DIDO1: variants seen among roughly 807,000 people sequenced by gnomAD.
DIDO1 encodes the protein death inducer-obliterator 1, also known as death-inducer obliterator 1.
A neutral mutation model predicts 99.4 loss-of-function variants in DIDO1; 16 were observed. The ratio of observed to expected loss-of-function variants is 0.16; its 90% CI spans 0.11 to 0.24. The LOEUF is 0.24. Among genes scored for constraint, DIDO1 ranks in the 10% least tolerant of loss-of-function variants. The probability of loss-of-function intolerance (pLI) is 1.00; values close to 1 mark genes in which losing one functional copy is unlikely to be tolerated. For missense variants in DIDO1, 2,996 were observed against 3,014.0 expected, an observed-to-expected ratio of 0.99 and a Z score of 0.14; for synonymous variants, 1,366 against 1,239.1, an observed-to-expected ratio of 1.10 and a Z score of -2.15.
intron 1 of DIDO1, among the ~76,000 whole-genome samples, chr20:62,917,116 C>T (rs959052410): frequency 2.6e-5 from 4 of 152,180 alleles, no homozygotes; most frequent in Non-Finnish European, 5.9e-5. Flanking sequence ...CCCACACCAC[C>T]GCCAGGCTCA....
chr20:62,893,006 C>T (rs756077267), intron 12 of DIDO1, 44 bp from the exon 13 acceptor site: 23 of 1,551,774 alleles, frequency 1.5e-5, no homozygotes, highest in Non-Finnish European at 1.7e-5. Flanking sequence ...TCTCTCTGTG[C>T]AATGAGAATT....
chr20:62,901,348 G>A (rs997186734), intron 6 of DIDO1, among the ~76,000 whole-genome samples: 18 of 152,274 alleles, frequency 1.2e-4, no homozygotes, highest in Admixed American at 5.9e-4. Flanking sequence ...TAAGAAACTC[G>A]TGTGATGAGG....
In DIDO1 at chr20:62,926,387, A is replaced by C. The variant is rs1330953013; in HGVS notation, c.-200+52T>G. On this transcript the variant is annotated intron_variant, in intron 1 of 15. Coordinates refer to ENST00000395343, the MANE Select transcript of DIDO1 (RefSeq NM_001193369.2). ...CCCGCCCCGCTCCCGAGGGCGGCCCAAGCGGCGGCCGGCTCTTCTACCCGG... is the reference window on the plus strand; with the variant it reads ...CCCGCCCCGCTCCCGAGGGCGGCCCCAGCGGCGGCCGGCTCTTCTACCCGG... 5.3e-5 allele frequency: 8 copies of C among 151,752 alleles called. 1 individual carries two copies. The South Asian group carries it at 1.0e-3, about 20-fold the overall frequency. 9.4% of individuals were successfully genotyped at this position (151,752 alleles called of 1,614,324 possible).
At position 62,879,981 on chromosome 20, in the gene DIDO1, A is replaced by G. The variant is rs777181355; in HGVS notation, c.5975T>C (p.Leu1992Pro). ...RAPAPLQFGGLRGSAPFSEKN... is the reference protein window; with the variant it reads ...RAPAPLQFGGPRGSAPFSEKN... ...TTCAGAAAAGGGTGCGGACCCCCGT[A>G]GTCCACCAAACTGCAGGGGTGCAGG... The change falls in exon 16 of 16, where the codon CTA (leucine) becomes CCA (proline). Residue 1992 changes from leucine to proline, a missense_variant. Coordinates refer to ENST00000395343, the MANE Select transcript of DIDO1 (RefSeq NM_001193369.2). This position sits in a 1 kb window ranked among gnomAD's most constrained non-coding sequence, Gnocchi z 6.3. 6.2e-7 allele frequency: 1 copy of G among 1,611,512 alleles called. No individual in the cohort carries two copies. Among genetic ancestry groups the G allele is most frequent in the Non-Finnish European group, 8.5e-7 (1 of 1,179,776 alleles).
chr20:62,907,383 C>T, intron 4 of DIDO1, 24 bp from the exon 5 acceptor site: 2 of 1,607,774 alleles, frequency 1.2e-6, no homozygotes, highest in South Asian at 2.2e-5. Context: ...CAGATGACTT[C>T]AAACAATGTA....
At chr20:62,937,472 G>C (rs577282358) in intron 1 of DIDO1, among the ~76,000 whole-genome samples, 2 of 152,218 alleles carry the variant, frequency 1.3e-5, no homozygotes, top group African/African-American at 2.4e-5. Context: ...CGCCCTGGCC[G>C]CGTCCCGCCC....
At chr20:62,929,949 A>G (rs2147606301), upstream of DIDO1, among the ~76,000 whole-genome samples, 1 of 152,010 alleles carries the variant, frequency 6.6e-6, no homozygotes, top group Middle Eastern at 3.4e-3. Flanking sequence ...TACTAACCAG[A>G]TCTGCCAGGC....
chr20:62,893,076 G>A, intron 12 of DIDO1, 114 bp from the exon 13 acceptor site: 1 of 1,159,538 alleles, frequency 8.6e-7, no homozygotes, highest in Non-Finnish European at 1.2e-6. Flanking sequence ...ATGCAGGCTG[G>A]AGTGCGGTGG....
chr20:62,924,326 T>C (rs1026021654), intron 1 of DIDO1, among the ~76,000 whole-genome samples: 2 of 152,186 alleles, frequency 1.3e-5, no homozygotes, highest in South Asian at 2.1e-4. Flanking sequence ...GACCCACAGA[T>C]AGTAGGGAGT....
chr20:62,909,894 C>G lies in DIDO1; in HGVS notation c.966G>C (p.Leu322=), dbSNP rs201800064. Residue 322 remains leucine (L), a synonymous_variant, in exon 4 of 16, where the codon CTG becomes CTC. Transcript: ENST00000395343. The part of the protein sequence containing the change: ...EDYICPNCTI[L]QVQDETHSET... ...CTGAATGAGTCTCATCCTGCACTTGCAGAATGGTGCAGTTTGGGCAGATAT... is the reference window on the plus strand; with the variant it reads ...CTGAATGAGTCTCATCCTGCACTTGGAGAATGGTGCAGTTTGGGCAGATAT... The G allele has an allele frequency of 3.2e-5, 52 of 1,614,236 alleles. No homozygotes were observed. In the African/African-American group the frequency reaches 4.5e-4, roughly 14 times the overall value.
chr20:62,884,880 G>C (rs113309929), intron 15 of DIDO1, among the ~76,000 whole-genome samples: 1 of 152,210 alleles, frequency 6.6e-6, no homozygotes, highest in South Asian at 2.1e-4. Context: ...GAGGAGGGAA[G>C]CAGGAAAACC....
intron 6 of DIDO1, among the ~76,000 whole-genome samples, chr20:62,903,634 G>C (rs747947375): frequency 1.3e-5 from 2 of 152,214 alleles, no homozygotes; most frequent in African/African-American, 2.4e-5. Flanking sequence ...CTCTAACTCT[G>C]CTCCAATCAA....
rs2064937461 is a variant in DIDO1 at position 62,911,412 on chromosome 20, C to T, written c.201G>A (p.Gln67=). 1.2e-6 allele frequency: 2 copies of T among 1,610,820 alleles called. No individual in the cohort carries two copies. Among genetic ancestry groups the T allele is most frequent in the African/African-American group, 2.7e-5 (2 of 74,900 alleles). The change falls in exon 3 of 16, where the codon CAG becomes CAA. Residue 67 remains glutamine (Q), a synonymous_variant. Transcript: ENST00000395343. The surrounding 1 kb of genome is among the most constrained non-coding windows in gnomAD (Gnocchi z 7.0). ...LGLSLRRSGR[Q]PKRTERVEQF... The stretch of plus-strand genomic sequence containing the variant: ...GCTCCACGCGCTCAGTGCGCTTGGG[C>T]TGCCTCCCACTGCGCCGCAGGGACA...
At chr20:62,884,170 C>G (rs547217055) in intron 15 of DIDO1, among the ~76,000 whole-genome samples, 1 of 151,716 alleles carries the variant, frequency 6.6e-6, no homozygotes, top group Admixed American at 6.6e-5. Context: ...AGGTGGACGA[C>G]GCGCACTGGG....
rs1008485810 is a variant in DIDO1 at position 62,891,306 on chromosome 20, C to T, written c.3346-151G>A. 4.4e-6 allele frequency: 6 copies of T among 1,372,874 alleles called. No homozygotes were observed. In the South Asian group the frequency reaches 8.6e-5, roughly 20 times the overall value. The allele number at this position is 1,372,874 out of a possible 1,614,324, so 85.0% of individuals were successfully genotyped here. ...GAGCTGCTGTCTCAGTGAGGCAATTCACGTGACATGTGAGCCCAGCAGTGT... is the reference window on the plus strand; with the variant it reads ...GAGCTGCTGTCTCAGTGAGGCAATTTACGTGACATGTGAGCCCAGCAGTGT... On this transcript the variant is annotated intron_variant, in intron 14 of 15. Coordinates refer to ENST00000395343, the MANE Select transcript of DIDO1 (RefSeq NM_001193369.2).
At chr20:62,895,405 A>G (rs1464177347) in intron 8 of DIDO1, among the ~76,000 whole-genome samples, 1 of 152,150 alleles carries the variant, frequency 6.6e-6, no homozygotes, top group Non-Finnish European at 1.5e-5. Context: ...CCCAGAGAGC[A>G]CAGGTAATAA....
At position 62,880,935 on chromosome 20, in the gene DIDO1, A is replaced by T. The variant is rs778816686; in HGVS notation, c.5021T>A (p.Leu1674Gln). 1.2e-6 allele frequency: 2 copies of T among 1,608,938 alleles called. No individual in the cohort carries two copies. The highest frequency in any genetic ancestry group is 2.2e-5 in the East Asian group (1 of 44,874). ...AGGGTCCCTCTCACCGTCGTGCTGC[A>T]GCGGGAAGCCGGGCTGCAGGGCGCC... is the stretch of plus-strand genomic sequence containing the variant. Reference protein sequence around the residue: ...PCGALQPGFPLQHDGERDPFT... With the variant: ...PCGALQPGFPQQHDGERDPFT... The change falls in exon 16 of 16, where the codon CTG becomes CAG. Residue 1674 changes from leucine (L) to glutamine (Q), a missense_variant. Leu to Gln is a moderately radical substitution (Grantham distance 113, BLOSUM62 -2). Coordinates refer to ENST00000395343, the MANE Select transcript of DIDO1 (RefSeq NM_001193369.2).
At position 62,881,243 on chromosome 20, in the gene DIDO1, A is replaced by C. The variant is rs368420818; in HGVS notation, c.4713T>G (p.Gly1571=). Reference sequence around the variant, plus strand: ...TGGAGAGAGGCTCCCCCTCCCCCTCACCGGTCTCAGTGGCCAGGCGCCTCG... The same window carrying C: ...TGGAGAGAGGCTCCCCCTCCCCCTCCCCGGTCTCAGTGGCCAGGCGCCTCG... ...RQARRLATET[G]EGEGEPLSRL... Residue 1571 remains glycine (G), a synonymous_variant, in exon 16 of 16, where the codon GGT becomes GGG. Transcript: ENST00000395343. This position sits in a 1 kb window ranked among gnomAD's most constrained non-coding sequence, Gnocchi z 8.3. 4.2e-5 allele frequency: 68 copies of C among 1,601,396 alleles called. No homozygotes were observed. Among genetic ancestry groups the C allele is most frequent in the Non-Finnish European group, 5.5e-5 (65 of 1,176,980 alleles).
At position 62,880,583 on chromosome 20, in the gene DIDO1, C is replaced by A; in HGVS notation, c.5373G>T (p.Gly1791=). The A allele has an allele frequency of 1.2e-6, 2 of 1,612,936 alleles. No individual in the cohort carries two copies. Among genetic ancestry groups the A allele is most frequent in the Non-Finnish European group, 1.7e-6 (2 of 1,180,012 alleles). Residue 1791 remains glycine (G), a synonymous_variant, in exon 16 of 16, where the codon GGG becomes GGT. Transcript: ENST00000395343. ...ATCTGGCTGGCGGAGGCCCTCGTGGCCCATCGTTAGAAGCGATATTCTCTT... is the reference window on the plus strand; with the variant it reads ...ATCTGGCTGGCGGAGGCCCTCGTGGACCATCGTTAGAAGCGATATTCTCTT... ...FPEENIASND[G]PRGPPPARFG...
Sources: allele counts gnomAD v4.1 joint callset (sites outside exome capture counted in the v4.1 genomes callset), GRCh38; gene constraint gnomAD v4.1.1; non-coding constraint Gnocchi (gnomAD v3.1); transcripts MANE v1.5; gene names NCBI Gene and HGNC (gene_info 2026-07-23, HGNC 2026-07-21).